The following RELCH variants were observed in gnomAD, a reference collection of about 807,000 sequenced individuals.
RELCH encodes the protein RAB11-binding protein RELCH.
RELCH carries 41 observed loss-of-function variants against 150.3 expected under a neutral mutation model. The observed-to-expected ratio is 0.27, with a 90% CI of 0.21 to 0.35. RELCH has a LOEUF of 0.35. Among genes scored for constraint, RELCH ranks in the 10% least tolerant of loss-of-function variants. The pLI, the probability that RELCH is intolerant of heterozygous loss-of-function variation, is 1.00. For synonymous variants in RELCH, 478 were observed against 531.8 expected, an observed-to-expected ratio of 0.90 and a Z score of 1.39; for missense variants, 1,092 against 1,467.8, an observed-to-expected ratio of 0.74 and a Z score of 4.18.
intron 11 of RELCH, 114 bp downstream of exon 11, chr18:62,244,990 A>G (rs1166802363): frequency 4.3e-6 from 3 of 694,466 alleles, no homozygotes; most frequent in Non-Finnish European, 7.7e-6. Context: ...TCCAGTATCT[A>G]TTTTAGCAGC....
chr18:62,231,160 T>C (rs748788345), intron 8 of RELCH, 34 bp from the exon 9 acceptor site: 2 of 1,305,306 alleles, frequency 1.5e-6, no homozygotes, highest in Admixed American at 3.6e-5. Flanking sequence ...GGTAATTATT[T>C]GATATTGTCT....
intron 10 of RELCH, chr18:62,235,200 C>T (rs564578995): frequency 2.0e-4 from 30 of 152,098 alleles, no homozygotes; most frequent in African/African-American, 6.5e-4. Flanking sequence ...TCCAGTTATC[C>T]AGAAACATTT....
chr18:62,230,336 G>A (rs544655107), intron 8 of RELCH, among the ~76,000 whole-genome samples: 3 of 152,020 alleles, frequency 2.0e-5, no homozygotes, highest in South Asian at 4.2e-4. Flanking sequence ...TTCTGACTTG[G>A]GCAAGTGGAA....
rs116704936 is a variant in RELCH, at chr18:62,297,550, G to A, written c.3460-1240G>A. On this transcript the variant is annotated intron_variant, in intron 27 of 28. Transcript: ENST00000644646. ...GCCAAACAAACAGATGCTATAACCT[G>A]TGAGACAAGAGAGTGGGGAAGCAGA... 7.9e-3 allele frequency among the ~76,000 whole-genome samples: 1,201 copies of A among 152,272 alleles called. 20 individuals are homozygous for A. The highest frequency in any genetic ancestry group is 0.028 in the African/African-American group (1,149 of 41,536).
intron 1 of RELCH, among the ~76,000 whole-genome samples, chr18:62,195,978 G>C (rs578039133): frequency 6.6e-6 from 1 of 152,264 alleles, no homozygotes; most frequent in Admixed American, 6.5e-5. Flanking sequence ...TTACAGGCGT[G>C]AGCCACCAAG....
intron 25 of RELCH, 64 bp from the exon 26 acceptor site, chr18:62,287,287 A>G (rs2044856932): frequency 2.6e-6 from 2 of 759,016 alleles, no homozygotes; most frequent in South Asian, 3.0e-5. Context: ...TTATTGTTAA[A>G]GTGTGTCAGG....
chr18:62,299,865 T>TA (rs946507456), intron 28 of RELCH, among the ~76,000 whole-genome samples: 1 of 152,168 alleles, frequency 6.6e-6, no homozygotes, highest in African/African-American at 2.4e-5. Context: ...AAGTATTATT[T>TA]AAAAAAACAT....
In RELCH at chr18:62,211,261, A is replaced by G; in HGVS notation, c.616+19A>G. 1 of 1,438,462 alleles carries G rather than the reference A, an allele frequency of 7.0e-7. No individual in the cohort carries two copies. Among genetic ancestry groups the G allele is most frequent in the Non-Finnish European group, 9.8e-7 (1 of 1,024,686 alleles). 89.1% of individuals were successfully genotyped at this position (1,438,462 alleles called of 1,614,324 possible). On this transcript the variant is annotated intron_variant, in intron 2 of 28. Transcript: ENST00000644646. ...GTGGCAGGTGAGTAAAATTGTAAGG[A>G]CAGATTTGGATTCTTTGACATTCCA...
intron 12 of RELCH, among the ~76,000 whole-genome samples, chr18:62,254,950 G>A (rs1355959268): frequency 6.6e-6 from 1 of 152,098 alleles, no homozygotes; most frequent in Non-Finnish European, 1.5e-5. Context: ...CATATTTCTA[G>A]CAAGGGTTCT....
intron 1 of RELCH, among the ~76,000 whole-genome samples, chr18:62,189,244 G>A (rs1238786409): frequency 6.7e-6 from 1 of 148,518 alleles, no homozygotes; most frequent in East Asian, 2.0e-4. Context: ...TATGTGTGGT[G>A]GTGGGTCTTT....
chr18:62,273,132 T>C lies in RELCH; in HGVS notation c.2761-848T>C, dbSNP rs573283432. Reference sequence around the variant, plus strand: ...TGTTGACCTTCTGTGTCCCTAATGTTGACTTGACTTTATTATGTATTTATT... The same window carrying C: ...TGTTGACCTTCTGTGTCCCTAATGTCGACTTGACTTTATTATGTATTTATT... On this transcript the variant is annotated intron_variant, in intron 20 of 28. Coordinates refer to ENST00000644646, the MANE Select transcript of RELCH (RefSeq NM_001346231.2). Among the ~76,000 whole-genome samples the C allele has an allele frequency of 9.9e-4, 151 of 152,170 alleles. 1 individual carries two copies. Among genetic ancestry groups the C allele is most frequent in the African/African-American group, 3.5e-3 (147 of 41,546 alleles).
chr18:62,204,711 A>G (rs1416201518), intron 1 of RELCH, among the ~76,000 whole-genome samples: 1 of 152,104 alleles, frequency 6.6e-6, no homozygotes, highest in Admixed American at 6.6e-5. Context: ...AGCATTTTAT[A>G]TTTTCAGTTA....
At chr18:62,274,761 T>C (rs1237987855) in intron 21 of RELCH, among the ~76,000 whole-genome samples, 3 of 152,256 alleles carry the variant, frequency 2.0e-5, no homozygotes, top group Non-Finnish European at 2.9e-5. Flanking sequence ...TGGAGAAATT[T>C]GTTTCTTCAT....
At chr18:62,195,280 C>CTGTGTGTGTGTGTG (rs148387504) in intron 1 of RELCH, among the ~76,000 whole-genome samples, 1,661 of 136,276 alleles carry the variant, frequency 0.012, 10 homozygotes, top group African/African-American at 0.02. Flanking sequence ...TACACACACT[C>CTGTGTGTGTGTGTG]TGTGTGTGTG....
At chr18:62,264,248 A>G (rs1256019433) in intron 17 of RELCH, 103 bp downstream of exon 17, 1 of 918,336 alleles carries the variant, frequency 1.1e-6, no homozygotes, top group African/African-American at 1.8e-5. Context: ...GTAACTCGGC[A>G]TCATTTTTGG....
intron 10 of RELCH, among the ~76,000 whole-genome samples, chr18:62,243,834 G>A (rs964401848): frequency 2.0e-5 from 3 of 151,818 alleles, no homozygotes; most frequent in Admixed American, 6.6e-5. Flanking sequence ...AACAGTTTTC[G>A]GTGAGTATCA....
rs1042119018 is a variant in RELCH, at chr18:62,307,140, A to G, written c.*1606A>G. 2 of 152,156 alleles carry G rather than the reference A, an allele frequency of 1.3e-5. No homozygotes were observed. The highest frequency in any genetic ancestry group is 2.9e-5 in the Non-Finnish European group (2 of 68,006). 9.4% of individuals were successfully genotyped at this position (152,156 alleles called of 1,614,324 possible). A position where few individuals can be genotyped will look rare whatever the true frequency, so the allele number is the denominator to read the frequency against. On this transcript the variant is annotated 3_prime_UTR_variant, in exon 29 of 29. Coordinates refer to ENST00000644646, the MANE Select transcript of RELCH (RefSeq NM_001346231.2). ...GTTTTTGATTTGGTTTGGGCTATGC[A>G]TTTTACTTTCGTTTTGAAACACTAT...
intron 17 of RELCH, 28 bp from the exon 18 acceptor site, chr18:62,264,701 G>C (rs777195626): frequency 3.9e-6 from 6 of 1,530,228 alleles, no homozygotes; most frequent in Middle Eastern, 3.6e-4. Context: ...TGTATCCCCT[G>C]CCTATTTTTC....
intron 1 of RELCH, among the ~76,000 whole-genome samples, chr18:62,208,755 T>A (rs2039974905): frequency 6.6e-6 from 1 of 152,168 alleles, no homozygotes. Flanking sequence ...TGAGAATATG[T>A]GGTATTTGGC....
Sources: gnomAD v4.1 joint callset for allele counts (sites outside exome capture counted in the v4.1 genomes callset) on GRCh38, gnomAD v4.1.1 for gene constraint, MANE v1.5 for transcripts, NCBI Gene and HGNC (gene_info 2026-07-23, HGNC 2026-07-21) for gene names.